The following METTL21A variants were observed in gnomAD, a reference collection of about 807,000 sequenced individuals.
METTL21A encodes protein N-lysine methyltransferase METTL21A.
In METTL21A, 22 loss-of-function variants were observed where a neutral mutation model predicts 20.9. The observed-to-expected ratio is 1.05, with a 90% CI of 0.75 to 1.50. METTL21A has a LOEUF of 1.50. Among genes scored for constraint, METTL21A ranks in the 40% most tolerant of loss-of-function variants. The probability of loss-of-function intolerance (pLI) is 0.00; values close to 1 mark genes in which losing one functional copy is unlikely to be tolerated. For synonymous variants in METTL21A, 93 were observed against 102.0 expected (o/e 0.91, Z 0.53); for missense variants, 271 against 266.8 (o/e 1.02, Z -0.11).
intron 3 of METTL21A, chr2:207,601,779 G>T (rs902149968): frequency 1.4e-5 from 3 of 218,542 alleles, no homozygotes; most frequent in Non-Finnish European, 2.8e-5. Flanking sequence ...AGAAAGTAAA[G>T]TGTGCATAGT....
intron 3 of METTL21A, among the ~76,000 whole-genome samples, chr2:207,613,966 C>T (rs1381094122): frequency 6.6e-6 from 1 of 152,084 alleles, no homozygotes; most frequent in East Asian, 1.9e-4. Context: ...AGCAAAACTC[C>T]ATCTCAAAAA....
intron 3 of METTL21A, among the ~76,000 whole-genome samples, chr2:207,585,984 TGA>T (rs2083751775): frequency 6.6e-6 from 1 of 152,046 alleles, no homozygotes; most frequent in Non-Finnish European, 1.5e-5. Context: ...TCCCATGTCT[TGA>T]GAGAGAGATA....
intron 3 of METTL21A, chr2:207,596,899 C>T (rs1226211478): frequency 2.5e-6 from 4 of 1,579,394 alleles, no homozygotes; most frequent in African/African-American, 1.5e-5. Flanking sequence ...TTTTCCCGTC[C>T]TCTTTTGCTT....
At chr2:207,584,023 C>G (rs77540728) in intron 3 of METTL21A, among the ~76,000 whole-genome samples, 1,830 of 152,216 alleles carry the variant, frequency 0.012, 22 homozygotes, top group African/African-American at 0.028. Context: ...TGGGACTTAT[C>G]CCAGATAATT....
intron 3 of METTL21A, chr2:207,601,840 A>T (rs143220643): frequency 4.6e-6 from 1 of 218,694 alleles, no homozygotes; most frequent in African/African-American, 2.2e-5. Flanking sequence ...AGTTGTACAA[A>T]GCACAACTAG....
rs144044446 is a variant in METTL21A, at chr2:207,614,746, G to A, written c.260-1303C>T. The stretch of plus-strand genomic sequence containing the variant: ...TGTGGGTAAGAGAAGACCTTAAGGT[G>A]GAGCAAGCACATAAGGTCAGGTCGG... On this transcript the variant is annotated intron_variant, in intron 3 of 3. Coordinates refer to ENST00000406927, the Ensembl canonical transcript of METTL21A. Among the ~76,000 whole-genome samples, 301 of 152,270 alleles carry A rather than the reference G, an allele frequency of 2.0e-3. 2 individuals carry two copies. The highest frequency in any genetic ancestry group is 6.7e-3 in the African/African-American group (277 of 41,558).
chr2:207,625,413 C>T (rs1348614921), upstream of METTL21A: 13 of 152,058 alleles, frequency 8.5e-5, no homozygotes, highest in African/African-American at 3.1e-4. Flanking sequence ...GGCACCCAGC[C>T]TCCGGCAGGT....
At chr2:207,621,317 G>A (rs1214307487) in intron 3 of METTL21A, among the ~76,000 whole-genome samples, 1 of 152,150 alleles carries the variant, frequency 6.6e-6, no homozygotes, top group East Asian at 1.9e-4. Context: ...TAAGAAGTCA[G>A]TACAAACTAT....
chr2:207,592,947 C>G (rs1302751329), intron 3 of METTL21A, among the ~76,000 whole-genome samples: 1 of 74,962 alleles, frequency 1.3e-5, no homozygotes, highest in Admixed American at 1.4e-4. Context: ...ATACTTTCTT[C>G]AAATATTTTT....
downstream of METTL21A, among the ~76,000 whole-genome samples, chr2:207,604,974 C>A (rs1436274599): frequency 6.6e-6 from 1 of 152,146 alleles, no homozygotes; most frequent in Non-Finnish European, 1.5e-5. Flanking sequence ...ACAAGTTTAT[C>A]GATTCATCCA....
At chr2:207,583,098 A>T (rs777616678) in intron 3 of METTL21A, among the ~76,000 whole-genome samples, 1 of 152,152 alleles carries the variant, frequency 6.6e-6, no homozygotes, top group Non-Finnish European at 1.5e-5. Flanking sequence ...AACTATTTAC[A>T]TAGTATTTAC....
chr2:207,589,097 A>G (rs948230537), intron 3 of METTL21A, among the ~76,000 whole-genome samples: 11 of 152,050 alleles, frequency 7.2e-5, no homozygotes, highest in African/African-American at 2.4e-4. Context: ...TTAGTTTTCT[A>G]TTGCTGCATG....
chr2:207,582,951 C>A (rs1486256308), intron 3 of METTL21A: 2 of 172,104 alleles, frequency 1.2e-5, no homozygotes, highest in Non-Finnish European at 1.3e-5. Flanking sequence ...ACACATACAC[C>A]TTCATATATG....
At chr2:207,588,960 A>C (rs1041685493) in intron 3 of METTL21A, among the ~76,000 whole-genome samples, 1 of 151,938 alleles carries the variant, frequency 6.6e-6, no homozygotes, top group African/African-American at 2.4e-5. Flanking sequence ...GACAGTTTTA[A>C]TTATTTCTAA....
chr2:207,622,958 A>G (rs369428870), intron 2 of METTL21A, among the ~76,000 whole-genome samples: 1 of 149,050 alleles, frequency 6.7e-6, no homozygotes, highest in East Asian at 2.0e-4. Flanking sequence ...CCCAGGATGT[A>G]GTGCAGTGGT....
intron 3 of METTL21A, among the ~76,000 whole-genome samples, chr2:207,621,485 T>C (rs1385544893): frequency 6.6e-6 from 1 of 152,194 alleles, no homozygotes; most frequent in Non-Finnish European, 1.5e-5. Flanking sequence ...TGGGTAAGAT[T>C]ATTCTCCTTG....
At chr2:207,604,993 G>T (rs1470553022), downstream of METTL21A, among the ~76,000 whole-genome samples, 1 of 152,134 alleles carries the variant, frequency 6.6e-6, no homozygotes, top group Non-Finnish European at 1.5e-5. Context: ...CAGTTGAGTT[G>T]TTTCTACTGT....
intron 3 of METTL21A, among the ~76,000 whole-genome samples, chr2:207,615,470 G>C (rs1192313846): frequency 2.0e-5 from 3 of 152,116 alleles, no homozygotes; most frequent in African/African-American, 7.2e-5. Context: ...GGCCGAGGCA[G>C]GTGGATCATA....
At chr2:207,589,967 TC>T (rs1367268423) in intron 3 of METTL21A, among the ~76,000 whole-genome samples, 3 of 152,164 alleles carry the variant, frequency 2.0e-5, no homozygotes, top group Admixed American at 2.0e-4. Flanking sequence ...GTGGAAGTCT[TC>T]CCTTCCCTTC....
Sources: gnomAD v4.1 joint callset for allele counts (sites outside exome capture counted in the v4.1 genomes callset) on GRCh38, gnomAD v4.1.1 for gene constraint, MANE v1.5 for transcripts, NCBI Gene and HGNC (gene_info 2026-07-23, HGNC 2026-07-21) for gene names.